Variants in NONO observed in about 807,000 individuals in gnomAD.
NONO encodes non-POU domain containing octamer binding, also known as non-POU domain-containing octamer-binding protein.
A neutral mutation model predicts 40.2 loss-of-function variants in NONO; 6 were observed. The ratio of observed to expected loss-of-function variants is 0.15; its 90% CI spans 0.08 to 0.29. The LOEUF is 0.29. Ranked by LOEUF, NONO falls within the 10% of genes least tolerant of loss-of-function variation. The probability of loss-of-function intolerance (pLI) is 1.00; values close to 1 mark genes in which losing one functional copy is unlikely to be tolerated. For missense variants in NONO, 133 were observed against 397.8 expected, an observed-to-expected ratio of 0.33 and a Z score of 5.66; for synonymous variants, 89 against 123.3, an observed-to-expected ratio of 0.72 and a Z score of 1.85.
At chrX:71,291,527 ATATT>A (rs924338853) in intron 3 of NONO, among the ~76,000 whole-genome samples, 8 of 111,090 alleles carry the variant, frequency 7.2e-5, no homozygotes, top group African/African-American at 2.6e-4. Context: ...GGTAACGCCT[ATATT>A]TTTCTTTCTC....
Position 71,294,410 on chromosome X carries a change from G to A in NONO, c.532G>A (p.Val178Ile). ...TGTGTTTGGCCAGGTAGAGAGGGCT[G>A]TAGTCATTGTGGATGATCGAGGAAG... Reference protein sequence around the residue: ...FSVFGQVERAVVIVDDRGRPS... With the variant: ...FSVFGQVERAIVIVDDRGRPS... Residue 178 changes from valine to isoleucine, a missense_variant, in exon 5 of 12, where the codon GTA becomes ATA. This residue lies in a region of NONO where 32 missense variants were observed against 206.0 expected (regional missense o/e 0.16). Transcript: ENST00000276079. The A allele has an allele frequency of 8.3e-7, 1 of 1,211,842 alleles. No individual in the cohort carries two copies. Among genetic ancestry groups the A allele is most frequent in the Non-Finnish European group, 1.1e-6 (1 of 895,398 alleles).
chrX:71,297,926 C>T lies in NONO; in HGVS notation c.1119C>T (p.Thr373=). The T allele has an allele frequency of 2.5e-6, 3 of 1,180,295 alleles. No homozygotes were observed. The highest frequency in any genetic ancestry group is 4.7e-4 in the Middle Eastern group (2 of 4,280). ...GACAGCAGGAAGGATTCAAGGGAAC[C>T]TTCCCTGATGCGGTATATCTCCCAT... ...MRRQQEGFKG[T]FPDAREQEIR... is the part of the protein sequence containing the mutation. Residue 373 remains threonine (T), a synonymous_variant, in exon 9 of 12, where the codon ACC becomes ACT. Transcript: ENST00000276079.
At position 71,290,273 on chromosome X, in the gene NONO, T is replaced by C. The variant is rs776103876; in HGVS notation, c.-9-356T>C. Among the ~76,000 whole-genome samples, 3 of 111,817 alleles carry C rather than the reference T, an allele frequency of 2.7e-5. No homozygotes were observed. In the South Asian group the frequency reaches 1.1e-3, roughly 42 times the overall value. On this transcript the variant is annotated intron_variant, in intron 2 of 11. Coordinates refer to ENST00000276079, the MANE Select transcript of NONO (RefSeq NM_007363.5). ...CATGTTGCCCAGGCTGGTCTCAAAC[T>C]CCTGGACTCCAGCAGTCCTCCCACC...
At chrX:71,289,250 G>A (rs1469348635) in intron 2 of NONO, among the ~76,000 whole-genome samples, 5 of 111,094 alleles carry the variant, frequency 4.5e-5, no homozygotes, top group African/African-American at 9.8e-5. Context: ...CTGATGCCTC[G>A]TTGTTTTTAA....
intron 4 of NONO, among the ~76,000 whole-genome samples, chrX:71,293,641 C>T (rs1351749837): frequency 9.2e-6 from 1 of 109,164 alleles, no homozygotes; most frequent in Non-Finnish European, 1.9e-5. Context: ...TTTTTGTTTT[C>T]GTTTTTTTGA....
At chrX:71,295,220 CAAAAAAA>C (rs1193819209) in intron 5 of NONO, among the ~76,000 whole-genome samples, 1 of 31,091 alleles carries the variant, frequency 3.2e-5, no homozygotes, top group South Asian at 1.8e-3. Context: ...GACTCTGTCT[CAAAAAAA>C]AAAAAAAAAA....
At chrX:71,295,856 C>T (rs1157495596) in intron 5 of NONO, among the ~76,000 whole-genome samples, 2 of 111,836 alleles carry the variant, frequency 1.8e-5, no homozygotes, top group Non-Finnish European at 1.9e-5. Context: ...TATTAATAGA[C>T]GTGGGATGAC....
intron 3 of NONO, among the ~76,000 whole-genome samples, chrX:71,291,247 A>C (rs1356473842): frequency 8.9e-6 from 1 of 112,129 alleles, no homozygotes; most frequent in Admixed American, 9.5e-5. Context: ...CTAAGACTAG[A>C]ACCAATCCCA....
At chrX:71,290,893 TGGCACACC>T in intron 3 of NONO, 102 bp downstream of exon 3, 1 of 891,673 alleles carries the variant, frequency 1.1e-6, no homozygotes, top group Non-Finnish European at 1.5e-6. Context: ...TAGGCCTTTA[TGGCACACC>T]TTTGTTCTTT....
Position 71,285,542 on chromosome X carries a change from T to G in NONO, c.-10+1089T>G, listed in dbSNP as rs894310578. ...AAGCTGAAAGCCAGAAGACATTTACTGCAGCGTTATAATAGGAAAAGCCAA... is the reference window on the plus strand; with the variant it reads ...AAGCTGAAAGCCAGAAGACATTTACGGCAGCGTTATAATAGGAAAAGCCAA... On this transcript the variant is annotated intron_variant, in intron 2 of 11. Coordinates refer to ENST00000276079, the MANE Select transcript of NONO (RefSeq NM_007363.5). 2.7e-5 allele frequency among the ~76,000 whole-genome samples: 3 copies of G among 111,824 alleles called. No homozygotes were observed. In the Admixed American group the frequency reaches 2.9e-4, roughly 11 times the overall value.
Position 71,300,296 on chromosome X carries a change from C to T in NONO, c.*220C>T. 2.4e-6 allele frequency: 1 copy of T among 419,502 alleles called. No homozygotes were observed. Among genetic ancestry groups the T allele is most frequent in the Non-Finnish European group, 4.1e-6 (1 of 241,041 alleles). The allele number at this position is 419,502 out of a possible 1,213,427, so 34.6% of individuals were successfully genotyped here. A position where few individuals can be genotyped will look rare whatever the true frequency, so the allele number is the denominator to read the frequency against. ...ATTGTTTAATCAGTTCTGTGTGGTGCATTCCTGAAGTCTCTAATGTGACTG... is the reference window on the plus strand; with the variant it reads ...ATTGTTTAATCAGTTCTGTGTGGTGTATTCCTGAAGTCTCTAATGTGACTG... On this transcript the variant is annotated 3_prime_UTR_variant, in exon 12 of 12. Coordinates refer to ENST00000276079, the MANE Select transcript of NONO (RefSeq NM_007363.5).
In NONO at chrX:71,297,548, T is replaced by A. The variant is rs746843308; in HGVS notation, c.1028+87T>A. ...CCTACTGCCATGCTACCTCGTGTAT[T>A]TATAAATGTGTTGGCAAATATTTCC... On this transcript the variant is annotated intron_variant, in intron 8 of 11. Coordinates refer to ENST00000276079, the MANE Select transcript of NONO (RefSeq NM_007363.5). The A allele has an allele frequency of 2.1e-5, 15 of 699,591 alleles. No individual in the cohort carries two copies. The East Asian group carries it at 5.3e-4, about 25-fold the overall frequency. 57.7% of individuals were successfully genotyped at this position (699,591 alleles called of 1,213,427 possible). A position where few individuals can be genotyped will look rare whatever the true frequency, so the allele number is the denominator to read the frequency against.
chrX:71,283,940 TC>T (rs1284772228), intron 1 of NONO: 3 of 111,981 alleles, frequency 2.7e-5, no homozygotes, highest in African/African-American at 9.7e-5. Context: ...CCATTTTCGT[TC>T]CTGCCCTGTT....
intron 2 of NONO, among the ~76,000 whole-genome samples, chrX:71,288,276 A>G (rs2031246191): frequency 9.7e-6 from 1 of 102,617 alleles, no homozygotes. Context: ...TTTAATACAT[A>G]TTTTTTGTAG....
At chrX:71,291,589 G>A (rs1165112251) in intron 3 of NONO, among the ~76,000 whole-genome samples, 190 bp from the exon 4 acceptor site, 1 of 111,722 alleles carries the variant, frequency 9.0e-6, no homozygotes, top group Non-Finnish European at 1.9e-5. Flanking sequence ...CTGTTCAGAT[G>A]TCCTCTGCAT....
At position 71,300,541 on chromosome X, in the gene NONO, T is replaced by G; in HGVS notation, c.*465T>G. The G allele has an allele frequency of 3.1e-5, 6 of 193,814 alleles. No homozygotes were observed. The highest frequency in any genetic ancestry group is 1.7e-4 in the East Asian group (2 of 11,948). 16.0% of individuals were successfully genotyped at this position (193,814 alleles called of 1,213,427 possible). A position where few individuals can be genotyped will look rare whatever the true frequency, so the allele number is the denominator to read the frequency against. The stretch of plus-strand genomic sequence containing the variant: ...AAGCTTGTCCAGGTTGATCTTGAAC[T>G]CCTGACCTCGTGATCTACCCACCTC... On this transcript the variant is annotated 3_prime_UTR_variant, in exon 12 of 12. Coordinates refer to ENST00000276079, the MANE Select transcript of NONO (RefSeq NM_007363.5).
rs748046670 is a variant in NONO, at chrX:71,300,814, A to G, written c.*738A>G. 30 of 165,157 alleles carry G rather than the reference A, an allele frequency of 1.8e-4. No individual in the cohort carries two copies. Among genetic ancestry groups the G allele is most frequent in the Non-Finnish European group, 2.9e-4 (25 of 85,783 alleles). 13.6% of individuals were successfully genotyped at this position (165,157 alleles called of 1,213,427 possible). On this transcript the variant is annotated 3_prime_UTR_variant, in exon 12 of 12. Coordinates refer to ENST00000276079, the MANE Select transcript of NONO (RefSeq NM_007363.5). ...CATATATTACCCCTTCATGTCCTAAAGAAGACATTTTCTCTTAGAGATTTT... is the reference window on the plus strand; with the variant it reads ...CATATATTACCCCTTCATGTCCTAAGGAAGACATTTTCTCTTAGAGATTTT...
chrX:71,298,437 T>C, intron 9 of NONO, 32 bp from the exon 10 acceptor site: 1 of 1,185,629 alleles, frequency 8.4e-7, no homozygotes, highest in Non-Finnish European at 1.1e-6. Context: ...CACTGCTGTC[T>C]TGGACTGTCT....
intron 2 of NONO, among the ~76,000 whole-genome samples, chrX:71,289,948 T>C (rs747351414): frequency 1.8e-5 from 2 of 111,166 alleles, no homozygotes; most frequent in Non-Finnish European, 3.8e-5. Context: ...GTTGTATTTT[T>C]AGTATAGATG....
Sources: allele counts gnomAD v4.1 joint callset (sites outside exome capture counted in the v4.1 genomes callset), GRCh38; gene constraint gnomAD v4.1.1; regional missense constraint gnomAD v4.1.1; transcripts MANE v1.5; gene names NCBI Gene and HGNC (gene_info 2026-07-23, HGNC 2026-07-21).